Variants in PLCG2 observed in about 807,000 individuals in gnomAD.
PLCG2 encodes 1-phosphatidylinositol 4,5-bisphosphate phosphodiesterase gamma-2.
A neutral mutation model predicts 175.6 loss-of-function variants in PLCG2; 69 were observed. The observed-to-expected ratio is 0.39, with a 90% CI of 0.32 to 0.48. PLCG2 has a LOEUF of 0.48. Among genes scored for constraint, PLCG2 ranks in the 20% least tolerant of loss-of-function variants. PLCG2 has a pLI of 0.91. For synonymous variants in PLCG2, 827 were observed against 624.0 expected (o/e 1.33, Z -4.85); for missense variants, 1,798 against 1,650.9 (o/e 1.09, Z -1.54).
At chr16:81,820,418 A>G (rs546717734) in intron 2 of PLCG2, among the ~76,000 whole-genome samples, 6 of 152,322 alleles carry the variant, frequency 3.9e-5, no homozygotes, top group Admixed American at 1.3e-4. Flanking sequence ...ATGGAATGAA[A>G]CAGTAGACTG....
At chr16:81,882,954 C>G (rs904621879) in intron 8 of PLCG2, among the ~76,000 whole-genome samples, 19 of 152,192 alleles carry the variant, frequency 1.2e-4, no homozygotes, top group African/African-American at 4.3e-4. Context: ...CCTGGTTCAC[C>G]TGTCTTCCCC....
chr16:81,923,623 G>C (rs760021484), intron 22 of PLCG2, 29 bp downstream of exon 22: 9 of 1,364,864 alleles, frequency 6.6e-6, no homozygotes, highest in Non-Finnish European at 8.3e-6. Flanking sequence ...TGGGCTGCTC[G>C]GCAGGTGGGC....
chr16:81,804,806 G>C (rs1465317965), intron 2 of PLCG2, among the ~76,000 whole-genome samples: 1 of 152,224 alleles, frequency 6.6e-6, no homozygotes, highest in African/African-American at 2.4e-5. Context: ...GGAACCTGGA[G>C]AAATGTCATT....
At chr16:81,947,180 A>C (rs967352081) in intron 31 of PLCG2, among the ~76,000 whole-genome samples, 1 of 152,326 alleles carries the variant, frequency 6.6e-6, no homozygotes, top group African/African-American at 2.4e-5. Context: ...AGAGAAAATT[A>C]GTATATTTAA....
intron 18 of PLCG2, among the ~76,000 whole-genome samples, chr16:81,911,144 A>G (rs560899483): frequency 6.6e-6 from 1 of 152,310 alleles, no homozygotes; most frequent in South Asian, 2.1e-4. Flanking sequence ...CGAAGGGTCA[A>G]CAAATTCTGG....
rs191882772 is a variant in PLCG2, at chr16:81,789,547, C to T, written c.193+3365C>T. 5.5e-3 allele frequency among the ~76,000 whole-genome samples: 839 copies of T among 152,302 alleles called. 4 individuals carry two copies. The highest frequency in any genetic ancestry group is 7.0e-3 in the South Asian group (34 of 4,826). ...CAAGTGATCCTCCCACCTTGGTCTC[C>T]GAAAGTGCTGGGATTACAGACAGGA... On this transcript the variant is annotated intron_variant, in intron 2 of 32. Coordinates refer to ENST00000564138, the MANE Select transcript of PLCG2 (RefSeq NM_002661.5).
chr16:81,883,188 T>A lies in PLCG2; in HGVS notation c.693-81T>A, dbSNP rs887019260. 10 of 1,226,986 alleles carry A rather than the reference T, an allele frequency of 8.2e-6. No homozygotes were observed. The African/African-American group carries it at 1.0e-4, about 13-fold the overall frequency. 76.0% of individuals were successfully genotyped at this position (1,226,986 alleles called of 1,614,324 possible). On this transcript the variant is annotated intron_variant, in intron 8 of 32. Transcript: ENST00000564138. Reference sequence around the variant, plus strand: ...AAGTGGGGCGTTCTGGGTGGCAGGCTGCCCCATTGGCTGGCATCTCCTCTC... The same window carrying A: ...AAGTGGGGCGTTCTGGGTGGCAGGCAGCCCCATTGGCTGGCATCTCCTCTC...
intron 2 of PLCG2, 80 bp downstream of exon 2, chr16:81,786,262 C>A: frequency 8.8e-7 from 1 of 1,137,120 alleles, no homozygotes; most frequent in Non-Finnish European, 1.3e-6. Flanking sequence ...CCTGTCTTGT[C>A]ATTACTGTGA....
At chr16:81,860,585 G>C (rs1906932382) in intron 5 of PLCG2, among the ~76,000 whole-genome samples, 1 of 152,196 alleles carries the variant, frequency 6.6e-6, no homozygotes, top group Non-Finnish European at 1.5e-5. Context: ...AAGTGTTTTT[G>C]CTTAAACTTG....
chr16:81,921,152 C>G, intron 20 of PLCG2, 46 bp from the exon 21 acceptor site: 1 of 1,204,522 alleles, frequency 8.3e-7, no homozygotes, highest in Non-Finnish European at 1.2e-6. Context: ...AAGGGCTATT[C>G]CAGGAGCATG....
chr16:81,917,513 C>G (rs1332874931), intron 19 of PLCG2, among the ~76,000 whole-genome samples: 1 of 152,148 alleles, frequency 6.6e-6, no homozygotes, highest in African/African-American at 2.4e-5. Context: ...GTCCCACCCA[C>G]CAGGTGCAGG....
chr16:81,800,008 C>T (rs1318111349), intron 2 of PLCG2, among the ~76,000 whole-genome samples: 2 of 152,184 alleles, frequency 1.3e-5, no homozygotes, highest in Non-Finnish European at 2.9e-5. Flanking sequence ...TTGGCTATGC[C>T]ACTTATCCCA....
intron 2 of PLCG2, among the ~76,000 whole-genome samples, chr16:81,791,169 T>A (rs1207940902): frequency 6.6e-6 from 1 of 152,158 alleles, no homozygotes; most frequent in Non-Finnish European, 1.5e-5. Context: ...GACTCAAACT[T>A]GCCCTTGCAA....
intron 4 of PLCG2, 97 bp from the exon 5 acceptor site, chr16:81,859,019 C>T: frequency 1.4e-6 from 1 of 713,186 alleles, no homozygotes; most frequent in Admixed American, 2.4e-5. Context: ...CTTTTGGTTC[C>T]AGTTCCTTTT....
chr16:81,808,305 C>T (rs750657015), intron 2 of PLCG2, among the ~76,000 whole-genome samples: 4 of 152,056 alleles, frequency 2.6e-5, no homozygotes, highest in African/African-American at 9.7e-5. Flanking sequence ...AGGCAAACCC[C>T]TCCCCTTAAG....
intron 2 of PLCG2, among the ~76,000 whole-genome samples, chr16:81,846,818 A>G (rs1184427527): frequency 1.3e-5 from 2 of 152,228 alleles, no homozygotes; most frequent in East Asian, 3.8e-4. Context: ...GAGAAAGGAA[A>G]AATCAAGGTG....
intron 2 of PLCG2, among the ~76,000 whole-genome samples, chr16:81,833,910 C>G (rs937354636): frequency 2.0e-5 from 3 of 152,152 alleles, no homozygotes; most frequent in Non-Finnish European, 4.4e-5. Context: ...TCTGGCATCT[C>G]TCTGTCTGCA....
chr16:81,793,519 G>C (rs1305145368), intron 2 of PLCG2, among the ~76,000 whole-genome samples: 1 of 152,202 alleles, frequency 6.6e-6, no homozygotes, highest in Non-Finnish European at 1.5e-5. Context: ...CATCTCAACT[G>C]TGTAGGCTTT....
chr16:81,943,200 A>T (rs189097720), intron 30 of PLCG2, among the ~76,000 whole-genome samples: 1 of 152,236 alleles, frequency 6.6e-6, no homozygotes, highest in Admixed American at 6.5e-5. Context: ...GTCCGTTCTC[A>T]CACTGCTATA....
Sources: allele counts gnomAD v4.1 joint callset (sites outside exome capture counted in the v4.1 genomes callset), GRCh38; gene constraint gnomAD v4.1.1; transcripts MANE v1.5; gene names NCBI Gene and HGNC (gene_info 2026-07-23, HGNC 2026-07-21).